Variants in QRICH1 observed in about 807,000 individuals in gnomAD.
The protein encoded by QRICH1 is transcriptional regulator QRICH1.
In QRICH1, 16 loss-of-function variants were observed where a neutral mutation model predicts 87.1. That is an observed-to-expected ratio of 0.18 (90% CI 0.12 to 0.28). The LOEUF (loss-of-function observed/expected upper bound fraction) is 0.28, where lower values mean the gene tolerates loss of function less well. QRICH1 is among the 10% of genes least tolerant of loss of function. QRICH1 has a pLI of 1.00. For missense variants in QRICH1, 647 were observed against 951.7 expected (o/e 0.68, Z 4.21); for synonymous variants, 367 against 368.4 (o/e 1.00, Z 0.05).
intron 1 of QRICH1, chr3:49,092,537 T>C (rs1016928397): frequency 6.6e-6 from 1 of 152,108 alleles, no homozygotes; most frequent in African/African-American, 2.4e-5. Context: ...TTAAAAACAA[T>C]ACAGTACATT....
intron 1 of QRICH1, among the ~76,000 whole-genome samples, chr3:49,084,314 G>A (rs1340562914): frequency 6.6e-6 from 1 of 151,392 alleles, no homozygotes; most frequent in Non-Finnish European, 1.5e-5. Flanking sequence ...GGAGCGTAGT[G>A]GCACGATCCT....
At chr3:49,069,677 A>C (rs931767692) in intron 2 of QRICH1, among the ~76,000 whole-genome samples, 2 of 150,646 alleles carry the variant, frequency 1.3e-5, no homozygotes, top group Non-Finnish European at 2.9e-5. Flanking sequence ...ACAAAGTCTC[A>C]CTATGTTGCC....
chr3:49,078,016 G>A (rs1328376868), intron 1 of QRICH1, among the ~76,000 whole-genome samples: 1 of 152,134 alleles, frequency 6.6e-6, no homozygotes, highest in South Asian at 2.1e-4. Context: ...GACCCCTGTC[G>A]CTGCTACCTT....
At chr3:49,066,433 C>A (rs539863097) in intron 2 of QRICH1, among the ~76,000 whole-genome samples, 1 of 151,702 alleles carries the variant, frequency 6.6e-6, no homozygotes, top group African/African-American at 2.4e-5. Context: ...ATGCTTCATG[C>A]TTTACTGTAT....
chr3:49,030,886 C>T (rs2093233107), intron 9 of QRICH1, among the ~76,000 whole-genome samples: 1 of 152,142 alleles, frequency 6.6e-6, no homozygotes, highest in Non-Finnish European at 1.5e-5. Flanking sequence ...TGTGATCCAT[C>T]ACTGACTGCA....
chr3:49,090,532 G>A (rs1191183140), intron 1 of QRICH1, among the ~76,000 whole-genome samples: 6 of 151,064 alleles, frequency 4.0e-5, no homozygotes, highest in African/African-American at 1.5e-4. Flanking sequence ...AGAGGCTGAG[G>A]CAGGAGAATT....
intron 1 of QRICH1, among the ~76,000 whole-genome samples, chr3:49,087,818 C>CATAAAAAAAAAAA (rs2042195396): frequency 2.1e-5 from 1 of 47,676 alleles, no homozygotes; most frequent in Non-Finnish European, 3.4e-5. Flanking sequence ...AGGTTCATCT[C>CATAAAAAAAAAAA]AAAAAAAAAA....
intron 1 of QRICH1, among the ~76,000 whole-genome samples, chr3:49,092,945 T>C (rs73082363): frequency 0.092 from 13,993 of 152,244 alleles, 931 homozygotes; most frequent in South Asian, 0.14. Context: ...CCCTCCCACT[T>C]ACGCAAAAGA....
chr3:49,067,099 T>C (rs2093472995), intron 2 of QRICH1, among the ~76,000 whole-genome samples: 1 of 152,156 alleles, frequency 6.6e-6, no homozygotes, highest in African/African-American at 2.4e-5. Flanking sequence ...ATTAAATGGC[T>C]AATGTGGCTA....
At chr3:49,056,814 G>C (rs1225759362) in intron 3 of QRICH1, 48 bp downstream of exon 3, 1 of 1,613,570 alleles carries the variant, frequency 6.2e-7, no homozygotes, top group African/African-American at 1.3e-5. Flanking sequence ...TGCTGCACTG[G>C]GCCCTGAGGG....
At chr3:49,055,694 CAA>C (rs1326723842) in intron 3 of QRICH1, among the ~76,000 whole-genome samples, 1 of 152,158 alleles carries the variant, frequency 6.6e-6, no homozygotes, top group Non-Finnish European at 1.5e-5. Flanking sequence ...TGTTTTGAGA[CAA>C]AGTCTTGCTA....
At chr3:49,060,004 C>T (rs1160955274) in intron 2 of QRICH1, among the ~76,000 whole-genome samples, 1 of 151,700 alleles carries the variant, frequency 6.6e-6, no homozygotes, top group African/African-American at 2.4e-5. Flanking sequence ...CCTGTGTCAG[C>T]CTCCCGAGTA....
chr3:49,079,221 G>A (rs1000500141), intron 1 of QRICH1, among the ~76,000 whole-genome samples: 8 of 151,782 alleles, frequency 5.3e-5, no homozygotes, highest in Admixed American at 1.3e-4. Context: ...GCGACAGAGC[G>A]TAACTCTGTC....
intron 3 of QRICH1, among the ~76,000 whole-genome samples, chr3:49,051,582 G>GCC (rs1491142511): frequency 1.4e-4 from 2 of 14,562 alleles, no homozygotes; most frequent in African/African-American, 4.9e-4. Flanking sequence ...AACCCCCCCT[G>GCC]CGCCCCCCCC....
intron 2 of QRICH1, among the ~76,000 whole-genome samples, chr3:49,072,614 T>C (rs746118877): frequency 2.6e-5 from 4 of 152,148 alleles, no homozygotes; most frequent in Non-Finnish European, 4.4e-5. Flanking sequence ...ATTTAACTGA[T>C]GAACAAACTG....
intron 3 of QRICH1, among the ~76,000 whole-genome samples, chr3:49,054,437 G>T (rs1393582873): frequency 6.6e-6 from 1 of 152,096 alleles, no homozygotes; most frequent in Admixed American, 6.6e-5. Flanking sequence ...CCACAGATTA[G>T]ATCAAACTCA....
intron 6 of QRICH1, among the ~76,000 whole-genome samples, chr3:49,038,410 T>A (rs2093288887): frequency 6.6e-6 from 1 of 151,762 alleles, no homozygotes; most frequent in African/African-American, 2.4e-5. Flanking sequence ...TTTTTGTTGA[T>A]TTAATTATTA....
intron 2 of QRICH1, among the ~76,000 whole-genome samples, chr3:49,064,799 A>G (rs542545450): frequency 1.3e-5 from 2 of 152,122 alleles, no homozygotes; most frequent in Non-Finnish European, 2.9e-5. Flanking sequence ...GCAGGGTCAC[A>G]TAAGGTCAGG....
intron 3 of QRICH1, 142 bp downstream of exon 3, chr3:49,056,720 C>T (rs1462383793): frequency 1.4e-6 from 2 of 1,381,522 alleles, no homozygotes. Context: ...TGATGTTTCT[C>T]CCCCTCTTCT....
Sources: allele counts gnomAD v4.1 joint callset (sites outside exome capture counted in the v4.1 genomes callset), GRCh38; gene constraint gnomAD v4.1.1; transcripts MANE v1.5; gene names NCBI Gene and HGNC (gene_info 2026-07-23, HGNC 2026-07-21).